RIPK2: variants seen among roughly 807,000 people sequenced by gnomAD.
RIPK2 encodes the protein receptor interacting serine/threonine kinase 2.
In RIPK2, 38 loss-of-function variants were observed where a neutral mutation model predicts 60.9. The observed-to-expected ratio is 0.62, with a 90% CI of 0.48 to 0.82. RIPK2 has a LOEUF of 0.82. Ranked by LOEUF, RIPK2 falls within the 40% of genes least tolerant of loss-of-function variation. RIPK2 has a pLI of 0.00. For synonymous variants in RIPK2, 225 were observed against 223.4 expected, an observed-to-expected ratio of 1.01 and a Z score of -0.06; for missense variants, 518 against 647.0, an observed-to-expected ratio of 0.80 and a Z score of 2.16.
At chr8:89,768,290 CA>C (rs1381213920) in intron 3 of RIPK2, among the ~76,000 whole-genome samples, 1 of 134,104 alleles carries the variant, frequency 7.5e-6, no homozygotes, top group Non-Finnish European at 1.7e-5. Flanking sequence ...GCAATTGCTT[CA>C]GTCTCTTAAG....
At chr8:89,786,982 A>G (rs1039240833) in intron 9 of RIPK2, among the ~76,000 whole-genome samples, 3 of 152,000 alleles carry the variant, frequency 2.0e-5, no homozygotes, top group Non-Finnish European at 2.9e-5. Context: ...CCTGGCCAAC[A>G]TGGTGAAACC....
intron 7 of RIPK2, among the ~76,000 whole-genome samples, chr8:89,782,050 G>C (rs1014215602): frequency 2.6e-5 from 4 of 152,124 alleles, no homozygotes; most frequent in African/African-American, 9.7e-5. Context: ...TAGCTACTGA[G>C]GGCTGAGATA....
chr8:89,772,149 T>TA (rs1205884316), intron 5 of RIPK2, among the ~76,000 whole-genome samples: 85 of 152,074 alleles, frequency 5.6e-4, no homozygotes, highest in Non-Finnish European at 9.7e-4. Flanking sequence ...CTAGTCTAGC[T>TA]GTAAAATTAT....
intron 4 of RIPK2, among the ~76,000 whole-genome samples, chr8:89,771,080 C>T (rs1809303912): frequency 6.6e-6 from 1 of 151,726 alleles, no homozygotes; most frequent in African/African-American, 2.4e-5. Context: ...CCTTTATGTT[C>T]AATTTCAATA....
At chr8:89,767,330 CAT>C (rs1056993507) in intron 3 of RIPK2, among the ~76,000 whole-genome samples, 5 of 151,506 alleles carry the variant, frequency 3.3e-5, no homozygotes, top group East Asian at 1.9e-4. Flanking sequence ...CTTTTAATAA[CAT>C]GTAATCAGAA....
At position 89,790,094 on chromosome 8, in the gene RIPK2, G is replaced by T. The variant is rs1389649563; in HGVS notation, c.1301G>T (p.Gly434Val). The change falls in exon 11 of 11, where the codon GGT becomes GTT. Residue 434 changes from glycine to valine, a missense_variant. Gly to Val is a moderately radical substitution (Grantham distance 109). Transcript: ENST00000220751. The stretch of plus-strand genomic sequence containing the variant: ...TCTTTTTCAGAACGTCTGCAGCCTG[G>T]TATAGCCCAGCAGTGGATCCAGAGC... ...TAGNSERLQP[G>V]IAQQWIQSKR... 1 of 1,613,012 alleles carries T rather than the reference G, an allele frequency of 6.2e-7. No homozygotes were observed. The highest frequency in any genetic ancestry group is 8.5e-7 in the Non-Finnish European group (1 of 1,179,472).
chr8:89,788,346 TAA>T (rs370154624), intron 9 of RIPK2, among the ~76,000 whole-genome samples: 8,625 of 145,020 alleles, frequency 0.059, 755 homozygotes, highest in African/African-American at 0.19. Flanking sequence ...CTATCTCAAT[TAA>T]AAAAAAAAAA....
chr8:89,787,234 C>T (rs1563619491), intron 9 of RIPK2, among the ~76,000 whole-genome samples: 1 of 152,038 alleles, frequency 6.6e-6, no homozygotes. Context: ...AAATCTCTTA[C>T]AAGAAAAAGG....
At chr8:89,760,481 T>G (rs534877923) in intron 1 of RIPK2, among the ~76,000 whole-genome samples, 1 of 152,234 alleles carries the variant, frequency 6.6e-6, no homozygotes, top group African/African-American at 2.4e-5. Context: ...TAAAAATCAA[T>G]TTTTAAAATC....
chr8:89,770,756 C>T (rs1462817642), intron 4 of RIPK2, among the ~76,000 whole-genome samples: 3 of 151,790 alleles, frequency 2.0e-5, no homozygotes. Flanking sequence ...ATTGCATATT[C>T]CTTTTCTTCA....
rs773586027 is a variant in RIPK2, at chr8:89,758,105, C to T, written c.45C>T (p.Tyr15=). ...GCAGCGCCCTGCCCACCATTCCCTA[C>T]CACAAACTCGCCGACCTGCGCTACC... ...AICSALPTIP[Y]HKLADLRYLS... Residue 15 remains tyrosine, a synonymous_variant, in exon 1 of 11, where the codon TAC becomes TAT. Coordinates refer to ENST00000220751, the MANE Select transcript of RIPK2 (RefSeq NM_003821.6). 18 of 1,607,856 alleles carry T rather than the reference C, an allele frequency of 1.1e-5. No homozygotes were observed. Among genetic ancestry groups the T allele is most frequent in the Non-Finnish European group, 1.4e-5 (17 of 1,177,574 alleles).
intron 3 of RIPK2, among the ~76,000 whole-genome samples, chr8:89,767,374 A>C (rs961808147): frequency 1.3e-5 from 2 of 151,770 alleles, no homozygotes; most frequent in African/African-American, 4.8e-5. Context: ...TGTTCAAAGA[A>C]ATCAGTAATA....
Position 89,790,438 on chromosome 8 carries a change from A to G in RIPK2, c.*22A>G, listed in dbSNP as rs1809658440. On this transcript the variant is annotated 3_prime_UTR_variant, in exon 11 of 11. Coordinates refer to ENST00000220751, the MANE Select transcript of RIPK2 (RefSeq NM_003821.6). ...GTAAGTGACTGTTTTTCAAGAAGAA[A>G]TGTGTTTCATAAAAGGATATTTATA... 6.7e-7 allele frequency: 1 copy of G among 1,489,192 alleles called. No homozygotes were observed. The highest frequency in any genetic ancestry group is 2.3e-5 in the East Asian group (1 of 44,074). The allele number at this position is 1,489,192 out of a possible 1,614,324, so 92.2% of individuals were successfully genotyped here. A position where few individuals can be genotyped will look rare whatever the true frequency, so the allele number is the denominator to read the frequency against.
chr8:89,764,698 T>C (rs74735890), intron 2 of RIPK2, among the ~76,000 whole-genome samples: 67 of 152,246 alleles, frequency 4.4e-4, no homozygotes, highest in African/African-American at 1.5e-3. Flanking sequence ...TATACAGTTT[T>C]AGAAACAAAA....
chr8:89,764,948 G>T (rs1464023961), intron 2 of RIPK2, among the ~76,000 whole-genome samples: 2 of 151,968 alleles, frequency 1.3e-5, no homozygotes, highest in Non-Finnish European at 2.9e-5. Flanking sequence ...CTGTAATTTT[G>T]TGTGTATTTG....
chr8:89,781,290 C>T (rs1809494486), intron 7 of RIPK2, among the ~76,000 whole-genome samples: 1 of 151,768 alleles, frequency 6.6e-6, no homozygotes, highest in African/African-American at 2.4e-5. Context: ...TCACTGGCTC[C>T]ACCACTTCTG....
At chr8:89,769,111 C>T (rs915657989) in intron 3 of RIPK2, among the ~76,000 whole-genome samples, 1 of 151,692 alleles carries the variant, frequency 6.6e-6, no homozygotes, top group African/African-American at 2.4e-5. Context: ...ACAACTGAAG[C>T]AAAACTGTAC....
intron 1 of RIPK2, among the ~76,000 whole-genome samples, chr8:89,759,744 A>C (rs1179523425): frequency 6.6e-6 from 1 of 152,204 alleles, no homozygotes; most frequent in East Asian, 1.9e-4. Flanking sequence ...GGTTGGTTAG[A>C]GAGGGTGGAT....
intron 1 of RIPK2, among the ~76,000 whole-genome samples, chr8:89,760,636 C>G (rs1477535161): frequency 1.3e-5 from 2 of 152,134 alleles, no homozygotes; most frequent in Admixed American, 6.6e-5. Context: ...AAATCTGACG[C>G]CAACCCTGCC....
Sources: gnomAD v4.1 joint callset for allele counts (sites outside exome capture counted in the v4.1 genomes callset) on GRCh38, gnomAD v4.1.1 for gene constraint, MANE v1.5 for transcripts, NCBI Gene and HGNC (gene_info 2026-07-23, HGNC 2026-07-21) for gene names.